The following MAD1L1 variants were observed in gnomAD, a reference collection of about 807,000 sequenced individuals.
The protein encoded by MAD1L1 is mitotic spindle assembly checkpoint protein MAD1.
In MAD1L1, 95 loss-of-function variants were observed where a neutral mutation model predicts 96.9. The ratio of observed to expected loss-of-function variants is 0.98; its 90% CI spans 0.83 to 1.16. The LOEUF (loss-of-function observed/expected upper bound fraction) is 1.16. Among genes scored for constraint, MAD1L1 ranks in the 50% most tolerant of loss-of-function variants. MAD1L1 has a pLI of 0.00. For missense variants in MAD1L1, 1,007 were observed against 954.4 expected, an observed-to-expected ratio of 1.06 and a Z score of -0.73; for synonymous variants, 473 against 396.6, an observed-to-expected ratio of 1.19 and a Z score of -2.29.
chr7:1,840,425 G>A (rs1562443888), intron 18 of MAD1L1, among the ~76,000 whole-genome samples: 1 of 152,292 alleles, frequency 6.6e-6, no homozygotes, highest in South Asian at 2.1e-4. Flanking sequence ...CAGCAGCAGA[G>A]CCGCGTCATA....
chr7:2,017,313 C>T (rs1419786282), intron 12 of MAD1L1, among the ~76,000 whole-genome samples: 1 of 152,204 alleles, frequency 6.6e-6, no homozygotes, highest in Non-Finnish European at 1.5e-5. Flanking sequence ...TTAAGAAGCA[C>T]CCAGCAGAGT....
At chr7:2,044,343 C>A (rs957698334) in intron 12 of MAD1L1, among the ~76,000 whole-genome samples, 1 of 152,182 alleles carries the variant, frequency 6.6e-6, no homozygotes, top group Non-Finnish European at 1.5e-5. Flanking sequence ...GCACCTGGGA[C>A]CAGGATTTGA....
chr7:1,998,025 C>A (rs182977795), intron 14 of MAD1L1, among the ~76,000 whole-genome samples: 1 of 152,144 alleles, frequency 6.6e-6, no homozygotes, highest in African/African-American at 2.4e-5. Flanking sequence ...CAGGCATTAG[C>A]GCTTAAACGG....
At chr7:1,888,342 CTG>C (rs1292738746) in intron 18 of MAD1L1, among the ~76,000 whole-genome samples, 2 of 141,728 alleles carry the variant, frequency 1.4e-5, no homozygotes, top group African/African-American at 5.0e-5. Flanking sequence ...GTGCGGCTGC[CTG>C]TGCATGTGTG....
rs368184341 is a variant in MAD1L1 at position 1,969,910 on chromosome 7, A to C, written c.1505+10543T>G. Among the ~76,000 whole-genome samples, 69 of 152,388 alleles carry C rather than the reference A, an allele frequency of 4.5e-4. 1 individual carries two copies. The South Asian group carries it at 0.013, about 29-fold the overall frequency. On this transcript the variant is annotated intron_variant, in intron 15 of 18. Coordinates refer to ENST00000265854, the MANE Select transcript of MAD1L1 (RefSeq NM_001013836.2). ...AAAGCCATCTGTGTCAGGGAGAAGA[A>C]GACTGCCCACTGTTTACCCGTCAGC...
At chr7:2,065,479 G>T (rs1784839625) in intron 12 of MAD1L1, among the ~76,000 whole-genome samples, 1 of 152,232 alleles carries the variant, frequency 6.6e-6, no homozygotes, top group South Asian at 2.1e-4. Flanking sequence ...GCAGTGGGCA[G>T]ATCTGATGCC....
At chr7:2,074,846 C>T (rs796824813) in intron 11 of MAD1L1, among the ~76,000 whole-genome samples, 4 of 152,272 alleles carry the variant, frequency 2.6e-5, no homozygotes, top group African/African-American at 9.6e-5. Flanking sequence ...CTGGGGGGGC[C>T]CTCGGGGAGG....
intron 14 of MAD1L1, among the ~76,000 whole-genome samples, chr7:1,985,022 T>TA (rs1184672846): frequency 2.6e-5 from 4 of 152,252 alleles, no homozygotes; most frequent in Non-Finnish European, 5.9e-5. Context: ...GTTGGGTGCC[T>TA]AACTAGTCAG....
intron 10 of MAD1L1, among the ~76,000 whole-genome samples, chr7:2,170,651 T>C (rs1456452199): frequency 2.0e-5 from 3 of 152,076 alleles, no homozygotes; most frequent in African/African-American, 7.2e-5. Flanking sequence ...GAGTGAAGAA[T>C]AGTTGCAAGA....
chr7:1,931,208 G>T (rs1789457786), intron 17 of MAD1L1, among the ~76,000 whole-genome samples: 1 of 146,986 alleles, frequency 6.8e-6, no homozygotes, highest in Non-Finnish European at 1.5e-5. Flanking sequence ...CACGTCAAGG[G>T]TCTGCTGACA....
At chr7:1,846,281 C>T (rs567767568) in intron 18 of MAD1L1, 11 of 152,776 alleles carry the variant, frequency 7.2e-5, no homozygotes, top group African/African-American at 2.4e-4. Flanking sequence ...GCTCCTGGGC[C>T]TGGAACACTG....
At chr7:1,905,632 T>C (rs1275149166) in intron 17 of MAD1L1, among the ~76,000 whole-genome samples, 7 of 152,228 alleles carry the variant, frequency 4.6e-5, no homozygotes, top group African/African-American at 1.4e-4. Flanking sequence ...GAATTCATGA[T>C]TGGTGAAGCA....
chr7:1,967,755 G>A (rs574027445), intron 15 of MAD1L1, among the ~76,000 whole-genome samples: 8 of 152,374 alleles, frequency 5.3e-5, no homozygotes, highest in East Asian at 1.9e-4. Flanking sequence ...ACAGCAGGGC[G>A]CGGCCGGCCG....
Position 1,823,653 on chromosome 7 carries a change from C to A in MAD1L1, c.1999-7425G>T, listed in dbSNP as rs747681552. ...TTTTCCCAGAACAGACCTCACCAGG[C>A]TGGAGAGTGGCCTGGGCACAGAGGC... On this transcript the variant is annotated intron_variant, in intron 18 of 18. Coordinates refer to ENST00000265854, the MANE Select transcript of MAD1L1 (RefSeq NM_001013836.2). Among the ~76,000 whole-genome samples the A allele has an allele frequency of 1.4e-4, 21 of 152,194 alleles. 2 individuals are homozygous for A. Among genetic ancestry groups the A allele is most frequent in the Non-Finnish European group, 2.9e-4 (20 of 68,034 alleles).
intron 10 of MAD1L1, 91 bp downstream of exon 10, chr7:2,213,121 A>T: frequency 7.3e-7 from 1 of 1,365,960 alleles, no homozygotes; most frequent in African/African-American, 1.4e-5. Context: ...GCCTGGCTGG[A>T]GACTGCGCTG....
intron 16 of MAD1L1, among the ~76,000 whole-genome samples, chr7:1,947,790 G>C (rs942342128): frequency 6.6e-6 from 1 of 152,258 alleles, no homozygotes. Context: ...GCAGCGGCCT[G>C]ACCTTGGGCA....
chr7:2,121,642 C>T (rs956320213), intron 11 of MAD1L1, among the ~76,000 whole-genome samples: 2 of 152,058 alleles, frequency 1.3e-5, no homozygotes, highest in Non-Finnish European at 2.9e-5. Flanking sequence ...AGCAGGAGGC[C>T]GCTTGGGCCC....
intron 18 of MAD1L1, among the ~76,000 whole-genome samples, chr7:1,843,355 C>A (rs1277368439): frequency 2.0e-5 from 3 of 152,154 alleles, no homozygotes; most frequent in Non-Finnish European, 4.4e-5. Context: ...GGAGCTCCTG[C>A]GCAGACGTCC....
intron 18 of MAD1L1, among the ~76,000 whole-genome samples, chr7:1,852,217 T>C (rs1372398904): frequency 6.6e-6 from 1 of 152,218 alleles, no homozygotes; most frequent in Non-Finnish European, 1.5e-5. Flanking sequence ...GCGAGGATCC[T>C]GCTGACCTGG....
Sources: allele counts gnomAD v4.1 joint callset (sites outside exome capture counted in the v4.1 genomes callset), GRCh38; gene constraint gnomAD v4.1.1; transcripts MANE v1.5; gene names NCBI Gene and HGNC (gene_info 2026-07-23, HGNC 2026-07-21).